PCSK5: variants seen among roughly 807,000 people sequenced by gnomAD.
PCSK5 encodes the protein prohormone convertase 5.
A neutral mutation model predicts 233.2 loss-of-function variants in PCSK5; 129 were observed. That is an observed-to-expected ratio of 0.55 (90% CI 0.48 to 0.64). The LOEUF (loss-of-function observed/expected upper bound fraction) is 0.64, where lower values mean the gene tolerates loss of function less well. PCSK5 is among the 30% of genes least tolerant of loss of function. The pLI, the probability that PCSK5 is intolerant of heterozygous loss-of-function variation, is 0.00. For missense variants in PCSK5, 2,076 were observed against 2,430.1 expected, an observed-to-expected ratio of 0.85 and a Z score of 3.06; for synonymous variants, 825 against 879.2, an observed-to-expected ratio of 0.94 and a Z score of 1.09.
At position 76,251,065 on chromosome 9, in the gene PCSK5, C is replaced by T. The variant is rs558644140; in HGVS notation, c.3142+10381C>T. Among the ~76,000 whole-genome samples, 24 of 151,914 alleles carry T rather than the reference C, an allele frequency of 1.6e-4. No homozygotes were observed. The East Asian group carries it at 3.1e-3, about 20-fold the overall frequency. ...GGAGGATGGCTTCAGGCCAGGAGTT[C>T]GAGACCAGCCTGGGCAACATAGCCA... On this transcript the variant is annotated intron_variant, in intron 24 of 37. Transcript: ENST00000674117.
chr9:76,126,167 C>CTGTGTGTG (rs140371301), intron 9 of PCSK5, among the ~76,000 whole-genome samples: 54 of 61,580 alleles, frequency 8.8e-4, no homozygotes, highest in African/African-American at 4.2e-3. Context: ...TGATTTTTTC[C>CTGTGTGTG]TGCGTGTGTG....
At chr9:76,017,364 T>G (rs967699428) in intron 3 of PCSK5, among the ~76,000 whole-genome samples, 2 of 152,194 alleles carry the variant, frequency 1.3e-5, no homozygotes, top group African/African-American at 4.8e-5. Context: ...TTAAAAAAAC[T>G]AAAATTTTCT....
chr9:76,239,213 G>A, intron 23 of PCSK5, 48 bp downstream of exon 23: 2 of 1,451,202 alleles, frequency 1.4e-6, no homozygotes, highest in East Asian at 2.5e-5. Flanking sequence ...ATGGGAGGAG[G>A]GGCTGCACCC....
chr9:76,349,288 A>G (rs1042019665), intron 35 of PCSK5, among the ~76,000 whole-genome samples: 3 of 61,000 alleles, frequency 4.9e-5, no homozygotes, highest in Admixed American at 2.6e-4. Context: ...AAAAAAAAAA[A>G]AAAGAAAAAA....
chr9:75,981,317 C>G (rs1170060540), intron 2 of PCSK5, among the ~76,000 whole-genome samples: 1 of 152,054 alleles, frequency 6.6e-6, no homozygotes, highest in Non-Finnish European at 1.5e-5. Flanking sequence ...GTATGCCTTC[C>G]CTCATTTTAC....
chr9:76,049,125 A>G (rs547570387), intron 5 of PCSK5, among the ~76,000 whole-genome samples: 5 of 152,264 alleles, frequency 3.3e-5, no homozygotes, highest in Admixed American at 1.3e-4. Context: ...GAAGAAAGAA[A>G]AAAGGAGACA....
In PCSK5 at chr9:76,091,733, G is replaced by A. The variant is rs1211435885; in HGVS notation, c.895-4157G>A. Among the ~76,000 whole-genome samples, 3 of 152,118 alleles carry A rather than the reference G, an allele frequency of 2.0e-5. No individual in the cohort carries two copies. The East Asian group carries it at 5.8e-4, about 29-fold the overall frequency. ...CCCCCTGCCTGCAGGTCCAGCACAG[G>A]CTAGCATATCCCCTGACCAACTCCG... On this transcript the variant is annotated intron_variant, in intron 7 of 37. Transcript: ENST00000674117.
intron 24 of PCSK5, among the ~76,000 whole-genome samples, chr9:76,245,421 TA>T (rs869242413): frequency 1.3e-5 from 2 of 152,138 alleles, no homozygotes; most frequent in Admixed American, 6.5e-5. Context: ...AAGGATTTTT[TA>T]AAAAAAGAGA....
intron 24 of PCSK5, among the ~76,000 whole-genome samples, chr9:76,291,285 CAGAAT>C (rs1187271524): frequency 6.6e-6 from 1 of 152,086 alleles, no homozygotes; most frequent in Non-Finnish European, 1.5e-5. Context: ...CAGAAGAGGG[CAGAAT>C]AGATTAGAAA....
At chr9:76,321,944 G>A (rs1195622736) in intron 31 of PCSK5, among the ~76,000 whole-genome samples, 7 of 151,986 alleles carry the variant, frequency 4.6e-5, no homozygotes, top group African/African-American at 1.7e-4. Flanking sequence ...AGAACCCAAT[G>A]TTCTCATCTT....
chr9:76,179,762 G>A, intron 15 of PCSK5, 64 bp downstream of exon 15: 1 of 1,121,102 alleles, frequency 8.9e-7, no homozygotes, highest in South Asian at 1.2e-5. Context: ...TTCCTGCAAG[G>A]CTAATACCAT....
At chr9:76,085,500 G>T (rs986572074) in intron 7 of PCSK5, among the ~76,000 whole-genome samples, 1 of 152,142 alleles carries the variant, frequency 6.6e-6, no homozygotes, top group African/African-American at 2.4e-5. Context: ...TCCTGCAATG[G>T]GTTTCTTTTA....
At chr9:75,918,208 G>C (rs1020622946) in intron 1 of PCSK5, among the ~76,000 whole-genome samples, 2 of 152,132 alleles carry the variant, frequency 1.3e-5, no homozygotes, top group Admixed American at 1.3e-4. Flanking sequence ...AGATTGGTTG[G>C]GTATATGCAG....
chr9:76,249,985 C>T (rs1826748737), intron 24 of PCSK5, among the ~76,000 whole-genome samples: 2 of 152,006 alleles, frequency 1.3e-5, no homozygotes, highest in Admixed American at 6.6e-5. Context: ...AAAAGAATAC[C>T]AAATAACTTA....
rs113407170 is a variant in PCSK5 at position 76,120,684 on chromosome 9, T to G, written c.1208+13333T>G. ...CATTATATTATAGCTGATTTTCTTGTTTTTTTTTCCAGAATATATTCATAG... is the reference window on the plus strand; with the variant it reads ...CATTATATTATAGCTGATTTTCTTGGTTTTTTTTCCAGAATATATTCATAG... On this transcript the variant is annotated intron_variant, in intron 9 of 37. Transcript: ENST00000674117. Among the ~76,000 whole-genome samples, 244 of 42,278 alleles carry G rather than the reference T, an allele frequency of 5.8e-3. 1 individual carries two copies. The highest frequency in any genetic ancestry group is 0.013 in the African/African-American group (206 of 16,210). 27.7% of individuals were successfully genotyped at this position (42,278 alleles called of 152,430 possible). A position where few individuals can be genotyped will look rare whatever the true frequency, so the allele number is the denominator to read the frequency against.
At position 75,967,344 on chromosome 9, in the gene PCSK5, G is replaced by A. The variant is rs558270072; in HGVS notation, c.298-18788G>A. Reference sequence around the variant, plus strand: ...TCCCACTTGTAAGTGAGAACATAGCGGCATGTGGTTTTCTGTTCCTGCATT... The same window carrying A: ...TCCCACTTGTAAGTGAGAACATAGCAGCATGTGGTTTTCTGTTCCTGCATT... On this transcript the variant is annotated intron_variant, in intron 2 of 37. Transcript: ENST00000674117. Among the ~76,000 whole-genome samples the A allele has an allele frequency of 7.5e-4, 114 of 152,198 alleles. 1 individual carries two copies. In the South Asian group the frequency reaches 0.022, roughly 30 times the overall value.
intron 7 of PCSK5, among the ~76,000 whole-genome samples, chr9:76,093,279 AATATG>A (rs1416721575): frequency 6.6e-6 from 1 of 151,150 alleles, no homozygotes; most frequent in East Asian, 1.9e-4. Flanking sequence ...ATTTTTTGTA[AATATG>A]TGGTCTCACC....
At chr9:75,941,722 C>G (rs1039177141) in intron 2 of PCSK5, among the ~76,000 whole-genome samples, 1 of 152,144 alleles carries the variant, frequency 6.6e-6, no homozygotes, top group African/African-American at 2.4e-5. Flanking sequence ...TAGATTAGCC[C>G]TTGGATCCAT....
intron 35 of PCSK5, among the ~76,000 whole-genome samples, chr9:76,343,333 TTGTGTGTGTGTGTGTGTGTGTG>T (rs57513234): frequency 7.5e-6 from 1 of 133,812 alleles, no homozygotes; most frequent in Non-Finnish European, 1.6e-5. Context: ...CCTGGGTAAT[TTGTGTGTGTGTGTGTGTGTGTG>T]TGTGTGTGTG....
Sources: gnomAD v4.1 joint callset for allele counts (sites outside exome capture counted in the v4.1 genomes callset) on GRCh38, gnomAD v4.1.1 for gene constraint, MANE v1.5 for transcripts, NCBI Gene and HGNC (gene_info 2026-07-23, HGNC 2026-07-21) for gene names.